EAPP: variants seen among roughly 807,000 people sequenced by gnomAD.
EAPP encodes the protein E2F-associated phosphoprotein.
A neutral mutation model predicts 34.3 loss-of-function variants in EAPP; 38 were observed. The ratio of observed to expected loss-of-function variants is 1.11; its 90% CI spans 0.85 to 1.45. The LOEUF (loss-of-function observed/expected upper bound fraction) is 1.45, where lower values mean the gene tolerates loss of function less well. Among genes scored for constraint, EAPP ranks in the 40% most tolerant of loss-of-function variants. The pLI is 0.00. For synonymous variants in EAPP, 113 were observed against 117.6 expected, an observed-to-expected ratio of 0.96 and a Z score of 0.25; for missense variants, 338 against 343.7, an observed-to-expected ratio of 0.98 and a Z score of 0.13.
At chr14:34,518,325 A>ATTTTTTTTTTTTTTTTTTTTTTTTTTTTT (rs71404852) in intron 5 of EAPP, among the ~76,000 whole-genome samples, 1 of 74,086 alleles carries the variant, frequency 1.3e-5, no homozygotes, top group Non-Finnish European at 2.2e-5. Flanking sequence ...CTCCCTTTAG[A>ATTTTTTTTTTTTTTTTTTTTTTTTTTTTT]TTTTTTTTTT....
chr14:34,535,772 C>T, intron 2 of EAPP: 1 of 209,912 alleles, frequency 4.8e-6, no homozygotes, highest in South Asian at 8.9e-5. Flanking sequence ...TGGTACATGC[C>T]TGTAATCTCA....
At chr14:34,523,298 C>T (rs1594660083) in intron 5 of EAPP, among the ~76,000 whole-genome samples, 2 of 145,470 alleles carry the variant, frequency 1.4e-5, no homozygotes, top group African/African-American at 2.5e-5. Flanking sequence ...AGTGCAGCGG[C>T]GTGACCTCGG....
intron 4 of EAPP, among the ~76,000 whole-genome samples, chr14:34,526,966 T>C (rs1257282860): frequency 6.6e-6 from 1 of 150,886 alleles, no homozygotes; most frequent in Non-Finnish European, 1.5e-5. Context: ...AGGTCAGGAG[T>C]TCGAGACCAG....
At chr14:34,517,217 C>T (rs1417999134) in intron 5 of EAPP, among the ~76,000 whole-genome samples, 2 of 150,008 alleles carry the variant, frequency 1.3e-5, no homozygotes, top group Admixed American at 6.7e-5. Flanking sequence ...GGATTTCAGG[C>T]GTGAGCCACC....
chr14:34,525,309 G>A (rs763628587), intron 4 of EAPP, among the ~76,000 whole-genome samples: 10 of 152,102 alleles, frequency 6.6e-5, no homozygotes, highest in Non-Finnish European at 1.0e-4. Context: ...TGGTAAGGCG[G>A]GGTAAAAGAC....
chr14:34,524,371 A>G (rs1355217434), intron 5 of EAPP, among the ~76,000 whole-genome samples: 2 of 152,168 alleles, frequency 1.3e-5, no homozygotes, highest in Non-Finnish European at 2.9e-5. Context: ...CTTGTACGAC[A>G]GAGTGAGACT....
chr14:34,518,616 C>G (rs181672554), intron 5 of EAPP, among the ~76,000 whole-genome samples: 240 of 152,264 alleles, frequency 1.6e-3, no homozygotes, highest in African/African-American at 5.3e-3. Context: ...CAGGCGTGAG[C>G]CACTGCGCCC....
chr14:34,531,618 T>C (rs757828782), intron 3 of EAPP, among the ~76,000 whole-genome samples: 5 of 151,604 alleles, frequency 3.3e-5, no homozygotes, highest in Non-Finnish European at 5.9e-5. Context: ...AATAAATAAA[T>C]AAACAAACAC....
At chr14:34,518,695 T>C (rs1879818714) in intron 5 of EAPP, among the ~76,000 whole-genome samples, 1 of 152,180 alleles carries the variant, frequency 6.6e-6, no homozygotes, top group Non-Finnish European at 1.5e-5. Flanking sequence ...ATATTTATAC[T>C]GTTATATAAA....
At chr14:34,535,015 T>A (rs796540997) in intron 2 of EAPP, among the ~76,000 whole-genome samples, 15 of 151,314 alleles carry the variant, frequency 9.9e-5, no homozygotes, top group African/African-American at 3.6e-4. Flanking sequence ...ATTTTTGTAT[T>A]TTTAGTAGAG....
In EAPP at chr14:34,539,549, G is replaced by T; in HGVS notation, c.74+6C>A. ...CCTCGGGGGCCAGGGTGGGGCGGGA[G>T]CCCACCTGCTCAAAGCCGGCTCCTC... On this transcript the variant is annotated splice_donor_region_variant and intron_variant, in intron 1 of 5. Coordinates refer to ENST00000250454, the MANE Select transcript of EAPP (RefSeq NM_018453.4). 6.2e-7 allele frequency: 1 copy of T among 1,605,260 alleles called. No homozygotes were observed.
At chr14:34,522,443 C>G (rs764376905) in intron 5 of EAPP, among the ~76,000 whole-genome samples, 3 of 151,896 alleles carry the variant, frequency 2.0e-5, no homozygotes, top group Admixed American at 1.3e-4. Context: ...TTGTTTTGTC[C>G]ATTTGAAGAG....
chr14:34,529,406 G>C lies in EAPP; in HGVS notation c.422C>G (p.Pro141Arg), dbSNP rs779394798. 20 of 1,613,208 alleles carry C rather than the reference G, an allele frequency of 1.2e-5. No homozygotes were observed. Among genetic ancestry groups the C allele is most frequent in the Non-Finnish European group, 1.6e-5 (19 of 1,179,854 alleles). Residue 141 changes from proline to arginine, a missense_variant, in exon 4 of 6, where the codon CCT (proline) becomes CGT (arginine). Physicochemically the swap from Pro to Arg is moderately radical, Grantham distance 103. Coordinates refer to ENST00000250454, the MANE Select transcript of EAPP (RefSeq NM_018453.4). ...GGCCTGATCTCTGTTATCTTTTTCA[G>C]GATCATACAGTAATTCGTCATTTGT... is the stretch of plus-strand genomic sequence containing the variant. ...IPTNDELLYD[P>R]EKDNRDQAWV...
intron 1 of EAPP, 120 bp downstream of exon 1, chr14:34,539,435 G>C (rs373281427): frequency 3.6e-6 from 4 of 1,121,080 alleles, no homozygotes; most frequent in Non-Finnish European, 5.3e-6. Context: ...ACAAGTAACA[G>C]GCACGACAGG....
chr14:34,529,813 C>T (rs1398702164), intron 3 of EAPP, among the ~76,000 whole-genome samples: 6 of 152,160 alleles, frequency 3.9e-5, no homozygotes, highest in South Asian at 2.1e-4. Flanking sequence ...GTCAGGAGTT[C>T]GAGACCAGCC....
chr14:34,536,064 AAT>A (rs753187237), intron 2 of EAPP, 28 bp downstream of exon 2: 113 of 1,567,592 alleles, frequency 7.2e-5, no homozygotes, highest in Non-Finnish European at 9.1e-5. Context: ...AGCTTACAAA[AAT>A]ATATATAAAA....
At chr14:34,523,710 A>AT (rs1205808018) in intron 5 of EAPP, among the ~76,000 whole-genome samples, 1 of 151,364 alleles carries the variant, frequency 6.6e-6, no homozygotes, top group Non-Finnish European at 1.5e-5. Context: ...CTAATTTTTT[A>AT]TTTTTTTATT....
rs1555319950 is a variant in EAPP, at chr14:34,524,653, A to ATGGGTGTGTG, written c.581+43_581+44insCACACACCCA. 8.0e-6 allele frequency: 7 copies of ATGGGTGTGTG among 875,968 alleles called. No homozygotes were observed. The African/African-American group carries it at 9.9e-5, about 12-fold the overall frequency. 54.3% of individuals were successfully genotyped at this position (875,968 alleles called of 1,614,324 possible). On this transcript the variant is annotated intron_variant, in intron 5 of 5. Transcript: ENST00000250454. ...AGTCTGTTTCTAATTTAAACAAAAT[A>ATGGGTGTGTG]TGTATGTGTGTGTGTGTGTGTGTGT...
At chr14:34,532,278 T>G in intron 3 of EAPP, among the ~76,000 whole-genome samples, 1 of 151,644 alleles carries the variant, frequency 6.6e-6, no homozygotes, top group Non-Finnish European at 1.5e-5. Context: ...GCTAACATGG[T>G]GAAACCCCGT....
Sources: allele counts gnomAD v4.1 joint callset (sites outside exome capture counted in the v4.1 genomes callset), GRCh38; gene constraint gnomAD v4.1.1; transcripts MANE v1.5; gene names NCBI Gene and HGNC (gene_info 2026-07-23, HGNC 2026-07-21).